Variants in LRRC7 observed in about 807,000 individuals in gnomAD.
LRRC7 encodes the protein leucine rich repeat containing 7.
In LRRC7, 23 loss-of-function variants were observed where a neutral mutation model predicts 175.7. The ratio of observed to expected loss-of-function variants is 0.13; its 90% confidence interval spans 0.09 to 0.19. LRRC7 has a LOEUF of 0.19. LRRC7 is among the 10% of genes least tolerant of loss of function. The pLI, the probability that LRRC7 is intolerant of heterozygous loss-of-function variation, is 1.00. For missense variants in LRRC7, 1,354 were observed against 1,904.7 expected (o/e 0.71, Z 5.38); for synonymous variants, 685 against 680.9 (o/e 1.01, Z -0.09).
At chr1:70,008,338 A>G (rs1656178724) in intron 11 of LRRC7, among the ~76,000 whole-genome samples, 1 of 152,198 alleles carries the variant, frequency 6.6e-6, no homozygotes, top group African/African-American at 2.4e-5. Flanking sequence ...GGCAACACCT[A>G]CACAGACACA....
chr1:69,725,540 G>GA (rs751019893), intron 2 of LRRC7, among the ~76,000 whole-genome samples: 4 of 152,178 alleles, frequency 2.6e-5, no homozygotes, highest in Non-Finnish European at 5.9e-5. Flanking sequence ...GGCAGAAATT[G>GA]AAAATCTAAA....
rs114630995 is a variant in LRRC7, at chr1:69,593,069, T to C, written c.2+24428T>C. ...TGCATCTCACTTCTAAACAAATGTT[T>C]CTAATTAATATTTGTTTAATTCTGT... On this transcript the variant is annotated intron_variant, in intron 1 of 26. Transcript: ENST00000651989. Among the ~76,000 whole-genome samples, 379 of 152,232 alleles carry C rather than the reference T, an allele frequency of 2.5e-3. 1 individual carries two copies. Among genetic ancestry groups the C allele is most frequent in the African/African-American group, 8.7e-3 (360 of 41,564 alleles).
At chr1:69,910,281 G>T (rs1482966563) in intron 7 of LRRC7, among the ~76,000 whole-genome samples, 1 of 152,160 alleles carries the variant, frequency 6.6e-6, no homozygotes, top group Non-Finnish European at 1.5e-5. Flanking sequence ...AGAGGTTCCA[G>T]TTTTTCTGCT....
At chr1:70,069,470 A>G (rs1662221385) in intron 23 of LRRC7, among the ~76,000 whole-genome samples, 2 of 152,180 alleles carry the variant, frequency 1.3e-5, no homozygotes, top group South Asian at 4.1e-4. Flanking sequence ...TTACAATTCA[A>G]GATGAGATTT....
At chr1:69,893,497 A>G (rs1645895041) in intron 7 of LRRC7, among the ~76,000 whole-genome samples, 1 of 152,228 alleles carries the variant, frequency 6.6e-6, no homozygotes, top group Admixed American at 6.5e-5. Context: ...AGCTTATGCT[A>G]TGTATTGAAA....
intron 1 of LRRC7, among the ~76,000 whole-genome samples, chr1:69,587,857 C>G (rs764405066): frequency 6.6e-6 from 1 of 152,132 alleles, no homozygotes; most frequent in African/African-American, 2.4e-5. Flanking sequence ...CTGAGGCCTC[C>G]CAGCCATGTG....
intron 5 of LRRC7, among the ~76,000 whole-genome samples, chr1:69,828,287 C>A (rs553109288): frequency 1.3e-5 from 2 of 152,044 alleles, no homozygotes; most frequent in African/African-American, 2.4e-5. Flanking sequence ...TTGAGTGAAC[C>A]CCTAGGAGTA....
In LRRC7 at chr1:70,132,750, C is replaced by T. The variant is rs1666724989; in HGVS notation, c.*10863C>T. Reference sequence around the variant, plus strand: ...ACTCCCAAAGTACGGGGATTACAGGCGTGAGACACCGCGCCCGGCCGTACT... The same window carrying T: ...ACTCCCAAAGTACGGGGATTACAGGTGTGAGACACCGCGCCCGGCCGTACT... On this transcript the variant is annotated 3_prime_UTR_variant, in exon 27 of 27. Coordinates refer to ENST00000651989, the MANE Select transcript of LRRC7 (RefSeq NM_001370785.2). Among the ~76,000 whole-genome samples the T allele has an allele frequency of 1.3e-5, 2 of 152,032 alleles. No individual in the cohort carries two copies. Among genetic ancestry groups the T allele is most frequent in the African/African-American group, 2.4e-5 (1 of 41,394 alleles).
rs10526637 is a variant in LRRC7, at chr1:70,136,075, CTG to C, written c.*14210_*14211del. Among the ~76,000 whole-genome samples the C allele has an allele frequency of 0.26, 38,045 of 149,164 alleles. 5,090 individuals are homozygous for C. The highest frequency in any genetic ancestry group is 0.38 in the East Asian group (1,936 of 5,078). On this transcript the variant is annotated 3_prime_UTR_variant, in exon 27 of 27. Coordinates refer to ENST00000651989, the MANE Select transcript of LRRC7 (RefSeq NM_001370785.2). The stretch of plus-strand genomic sequence containing the variant: ...TCTCTGTGTGTGTCTGTGTGTGTGT[CTG>C]TGTGTGTGTGTGTGTGTGTGTCTAT...
chr1:69,615,942 G>A (rs1281167594), intron 1 of LRRC7, among the ~76,000 whole-genome samples: 1 of 151,918 alleles, frequency 6.6e-6, no homozygotes, highest in Non-Finnish European at 1.5e-5. Flanking sequence ...TGCTCCTTCG[G>A]GGCTGGTCAG....
intron 7 of LRRC7, among the ~76,000 whole-genome samples, chr1:69,871,338 A>T (rs1048826400): frequency 6.6e-6 from 1 of 152,032 alleles, no homozygotes; most frequent in Non-Finnish European, 1.5e-5. Flanking sequence ...TGAATAATCT[A>T]TATGCCCTAT....
intron 1 of LRRC7, among the ~76,000 whole-genome samples, chr1:69,569,940 G>A (rs1432029805): frequency 5.3e-5 from 8 of 151,378 alleles, no homozygotes; most frequent in Non-Finnish European, 1.2e-4. Flanking sequence ...CGATGGGGGT[G>A]GGGATCGGTA....
intron 7 of LRRC7, among the ~76,000 whole-genome samples, chr1:69,839,512 G>A (rs945847063): frequency 2.6e-5 from 4 of 152,090 alleles, no homozygotes; most frequent in Admixed American, 2.6e-4. Context: ...GGTTGAGGGT[G>A]TTAATCATTC....
At chr1:70,074,178 G>A (rs1390517562) in intron 23 of LRRC7, among the ~76,000 whole-genome samples, 1 of 150,528 alleles carries the variant, frequency 6.6e-6, no homozygotes. Flanking sequence ...CTCCAGCCTG[G>A]GCAACAGAAA....
chr1:69,644,615 A>T (rs1654732428), intron 1 of LRRC7, among the ~76,000 whole-genome samples: 2 of 152,048 alleles, frequency 1.3e-5, no homozygotes, highest in Non-Finnish European at 2.9e-5. Context: ...TATTAAAGGA[A>T]GAAATATTAC....
intron 2 of LRRC7, among the ~76,000 whole-genome samples, chr1:69,744,572 T>C (rs1344972511): frequency 6.6e-6 from 1 of 151,868 alleles, no homozygotes; most frequent in Admixed American, 6.6e-5. Flanking sequence ...CTCACTATAA[T>C]TGCCGGAGGT....
chr1:69,652,609 G>C (rs934913643), intron 1 of LRRC7, among the ~76,000 whole-genome samples: 1 of 151,900 alleles, frequency 6.6e-6, no homozygotes, highest in Non-Finnish European at 1.5e-5. Flanking sequence ...AAAGTGAATT[G>C]TGTAATTGTT....
intron 1 of LRRC7, among the ~76,000 whole-genome samples, chr1:69,575,783 A>G (rs923424319): frequency 3.5e-4 from 53 of 152,322 alleles, no homozygotes; most frequent in African/African-American, 1.0e-3. Context: ...GGGTCAACCA[A>G]TAAGTTTTCT....
chr1:69,676,202 C>A (rs1029577101), intron 1 of LRRC7, among the ~76,000 whole-genome samples: 1 of 151,940 alleles, frequency 6.6e-6, no homozygotes, highest in African/African-American at 2.4e-5. Flanking sequence ...ACTTAACATA[C>A]TGCTTTTGTG....
Sources: allele counts gnomAD v4.1 joint callset (sites outside exome capture counted in the v4.1 genomes callset), GRCh38; gene constraint gnomAD v4.1.1; transcripts MANE v1.5; gene names NCBI Gene and HGNC (gene_info 2026-07-23, HGNC 2026-07-21).